PRKN: variants seen among roughly 807,000 people sequenced by gnomAD.
The protein encoded by PRKN is parkin RBR E3 ubiquitin protein ligase.
In PRKN, 56 loss-of-function variants were observed where a neutral mutation model predicts 59.5. The observed-to-expected ratio is 0.94, with a 90% confidence interval of 0.76 to 1.18. The LOEUF is 1.18. Ranked by LOEUF, PRKN falls within the 50% of genes most tolerant of loss-of-function variation. PRKN has a pLI of 0.00. For missense variants in PRKN, 657 were observed against 596.4 expected (o/e 1.10, Z -1.06); for synonymous variants, 250 against 222.1 (o/e 1.13, Z -1.12).
At chr6:162,719,263 T>A (rs957072256) in intron 1 of PRKN, among the ~76,000 whole-genome samples, 1 of 152,174 alleles carries the variant, frequency 6.6e-6, no homozygotes, top group African/African-American at 2.4e-5. Flanking sequence ...AACTGGATCA[T>A]GCAGTCTACA....
intron 2 of PRKN, among the ~76,000 whole-genome samples, chr6:162,415,072 G>A (rs1262109331): frequency 6.6e-6 from 1 of 152,064 alleles, no homozygotes; most frequent in Non-Finnish European, 1.5e-5. Context: ...AAAACAATAG[G>A]ATTCTACTTC....
chr6:161,531,450 C>CT (rs1458434111), intron 9 of PRKN, among the ~76,000 whole-genome samples: 3 of 151,910 alleles, frequency 2.0e-5, no homozygotes, highest in African/African-American at 7.3e-5. Context: ...AGCAACATTG[C>CT]TGAGGAAACT....
intron 5 of PRKN, among the ~76,000 whole-genome samples, chr6:162,021,295 T>TAGAC (rs1783175916): frequency 7.1e-6 from 1 of 140,916 alleles, no homozygotes. Flanking sequence ...AAACCACACT[T>TAGAC]AAATGACTAA....
At chr6:162,556,199 G>GA (rs1416872964) in intron 1 of PRKN, among the ~76,000 whole-genome samples, 2 of 151,958 alleles carry the variant, frequency 1.3e-5, no homozygotes, top group African/African-American at 2.4e-5. Context: ...TTATAACTCG[G>GA]AAAAAATCTC....
intron 1 of PRKN, among the ~76,000 whole-genome samples, chr6:162,598,141 T>C (rs1401411070): frequency 6.6e-6 from 1 of 152,196 alleles, no homozygotes; most frequent in Non-Finnish European, 1.5e-5. Context: ...TGCATCAGCA[T>C]TTTCATTTTA....
chr6:162,286,877 A>C (rs994004870), intron 2 of PRKN, among the ~76,000 whole-genome samples: 7 of 152,200 alleles, frequency 4.6e-5, no homozygotes, highest in African/African-American at 1.7e-4. Flanking sequence ...AACTTACCTA[A>C]AGGGATATCA....
chr6:161,645,220 G>T (rs78726523), intron 7 of PRKN, among the ~76,000 whole-genome samples: 5 of 147,564 alleles, frequency 3.4e-5, no homozygotes, highest in Non-Finnish European at 4.5e-5. Flanking sequence ...ATAATCTCAG[G>T]ACTAATTTCC....
chr6:161,711,704 C>T (rs1786756929), intron 7 of PRKN, among the ~76,000 whole-genome samples: 1 of 152,118 alleles, frequency 6.6e-6, no homozygotes, highest in Non-Finnish European at 1.5e-5. Flanking sequence ...CCTGGGTGGG[C>T]ACCATCTAAT....
At chr6:162,602,239 G>T (rs886864877) in intron 1 of PRKN, among the ~76,000 whole-genome samples, 3 of 152,206 alleles carry the variant, frequency 2.0e-5, no homozygotes, top group Non-Finnish European at 4.4e-5. Flanking sequence ...ATGAGGTGGC[G>T]TTGAGAGGGA....
At chr6:162,565,460 G>A (rs1258437199) in intron 1 of PRKN, among the ~76,000 whole-genome samples, 2 of 152,058 alleles carry the variant, frequency 1.3e-5, no homozygotes, top group African/African-American at 4.8e-5. Flanking sequence ...GAGGTGGGCG[G>A]GTCACCTGCC....
At chr6:162,166,932 C>A (rs1227017460) in intron 4 of PRKN, among the ~76,000 whole-genome samples, 1 of 152,196 alleles carries the variant, frequency 6.6e-6, no homozygotes, top group Non-Finnish European at 1.5e-5. Context: ...TTCCATCTGA[C>A]TTTCCCAACT....
Position 161,350,900 on chromosome 6 carries a change from T to A in PRKN, c.1286-689A>T, listed in dbSNP as rs1374772882. 3.7e-4 allele frequency among the ~76,000 whole-genome samples: 35 copies of A among 94,968 alleles called. 1 individual carries two copies. The highest frequency in any genetic ancestry group is 1.5e-3 in the African/African-American group (34 of 21,984). 62.3% of individuals were successfully genotyped at this position (94,968 alleles called of 152,430 possible). ...TATATATTTATATTTAAAATATATA[T>A]AAATATATTTTATATATTTATATTT... On this transcript the variant is annotated intron_variant, in intron 11 of 11. Transcript: ENST00000366898.
chr6:161,499,178 GACA>G lies in PRKN; in HGVS notation c.1083+49673_1083+49675del, dbSNP rs1237194891. On this transcript the variant is annotated intron_variant, in intron 9 of 11. Coordinates refer to ENST00000366898, the MANE Select transcript of PRKN (RefSeq NM_004562.3). The surrounding 1 kb of genome is among the most constrained non-coding windows in gnomAD (Gnocchi z 4.2). ...CACAGAGTGCTTGAAAAGAATCTAA[GACA>G]ACATTTACAGATTGGGAGATCAACG... Among the ~76,000 whole-genome samples, 1 of 145,356 alleles carries G rather than the reference GACA, an allele frequency of 6.9e-6. No individual in the cohort carries two copies. Among genetic ancestry groups the G allele is most frequent in the Admixed American group, 7.0e-5 (1 of 14,290 alleles).
At position 161,703,744 on chromosome 6, in the gene PRKN, A is replaced by G. The variant is rs545997739; in HGVS notation, c.871+82028T>C. Among the ~76,000 whole-genome samples the G allele has an allele frequency of 1.2e-4, 18 of 151,884 alleles. 1 individual carries two copies. Among genetic ancestry groups the G allele is most frequent in the Admixed American group, 1.1e-3 (17 of 15,244 alleles). ...CTCTACAACCTTAGCATATGAAACT[A>G]AAGTCCTATTTACATAATTTGTATG... is the stretch of plus-strand genomic sequence containing the variant. On this transcript the variant is annotated intron_variant, in intron 7 of 11. Transcript: ENST00000366898.
chr6:162,282,062 C>T (rs1434683627), intron 2 of PRKN, among the ~76,000 whole-genome samples: 1 of 152,190 alleles, frequency 6.6e-6, no homozygotes, highest in Non-Finnish European at 1.5e-5. Context: ...TCATGCTCAT[C>T]TGCCCATACT....
At chr6:162,566,196 CAAA>C (rs1052629662) in intron 1 of PRKN, among the ~76,000 whole-genome samples, 10 of 151,988 alleles carry the variant, frequency 6.6e-5, no homozygotes, top group African/African-American at 2.4e-4. Context: ...AGAAAATCAA[CAAA>C]GAAACATCAG....
In PRKN at chr6:161,593,519, C is replaced by G. The variant is rs1781799638; in HGVS notation, c.872-24103G>C. On this transcript the variant is annotated intron_variant, in intron 7 of 11. Transcript: ENST00000366898. The surrounding 1 kb of genome is among the most constrained non-coding windows in gnomAD (Gnocchi z 4.8). Reference sequence around the variant, plus strand: ...TGGCTGTGGCCTGTGGTCAGCAGTGCAGCGGTCAGGTGGGAGGTGATGGCA... The same window carrying G: ...TGGCTGTGGCCTGTGGTCAGCAGTGGAGCGGTCAGGTGGGAGGTGATGGCA... Among the ~76,000 whole-genome samples, 1 of 152,150 alleles carries G rather than the reference C, an allele frequency of 6.6e-6. No individual in the cohort carries two copies. The highest frequency in any genetic ancestry group is 1.5e-5 in the Non-Finnish European group (1 of 68,018).
intron 4 of PRKN, among the ~76,000 whole-genome samples, chr6:162,144,708 T>G (rs1781944420): frequency 1.3e-5 from 2 of 152,174 alleles, no homozygotes; most frequent in Non-Finnish European, 2.9e-5. Context: ...AATTGACTGC[T>G]GAGAATTGCA....
At chr6:161,667,027 C>T (rs576173318) in intron 7 of PRKN, among the ~76,000 whole-genome samples, 22 of 152,312 alleles carry the variant, frequency 1.4e-4, no homozygotes, top group African/African-American at 5.3e-4. Flanking sequence ...ATGAATGAGC[C>T]TGTTAGGCCA....
Sources: allele counts gnomAD v4.1 joint callset (sites outside exome capture counted in the v4.1 genomes callset), GRCh38; gene constraint gnomAD v4.1.1; non-coding constraint Gnocchi (gnomAD v3.1); transcripts MANE v1.5; gene names NCBI Gene and HGNC (gene_info 2026-07-23, HGNC 2026-07-21).